Variants in ADAMTS2 observed in about 807,000 individuals in gnomAD.
ADAMTS2 encodes A disintegrin and metalloproteinase with thrombospondin motifs 2.
A neutral mutation model predicts 123.0 loss-of-function variants in ADAMTS2; 50 were observed. The ratio of observed to expected loss-of-function variants is 0.41; its 90% confidence interval spans 0.32 to 0.51. The LOEUF (loss-of-function observed/expected upper bound fraction) is 0.51. ADAMTS2 is among the 20% of genes least tolerant of loss of function. ADAMTS2 has a pLI of 0.35. For missense variants in ADAMTS2, 1,494 were observed against 1,705.2 expected (o/e 0.88, Z 2.18); for synonymous variants, 678 against 695.4 (o/e 0.98, Z 0.39).
Position 179,273,033 on chromosome 5 carries a change from A to T in ADAMTS2, c.566T>A (p.Phe189Tyr), listed in dbSNP as rs1378802937. The T allele has an allele frequency of 6.2e-7, 1 of 1,613,534 alleles. No homozygotes were observed. The highest frequency in any genetic ancestry group is 1.7e-5 in the Admixed American group (1 of 60,020). The change falls in exon 3 of 22, where the codon TTC becomes TAC. Residue 189 changes from phenylalanine (F) to tyrosine (Y), a missense_variant. Physicochemically the swap from Phe to Tyr is conservative, Grantham distance 22. This residue lies in a region of ADAMTS2 where 184 missense variants were observed against 152.1 expected (regional missense o/e 1.21). Transcript: ENST00000251582. Reference sequence around the variant, plus strand: ...CCCCTTCTCCAAGGGTTCGATGAAGAACTCCTCCTCCTCCATCCGGATCAG... The same window carrying T: ...CCCCTTCTCCAAGGGTTCGATGAAGTACTCCTCCTCCTCCATCCGGATCAG... ...AGLIRMEEEE[F>Y]FIEPLEKGLA...
chr5:179,222,734 G>A (rs1223200113), intron 3 of ADAMTS2, among the ~76,000 whole-genome samples: 1 of 152,228 alleles, frequency 6.6e-6, no homozygotes, highest in Non-Finnish European at 1.5e-5. Context: ...CCAACCAGCT[G>A]CCCATGTGCT....
intron 2 of ADAMTS2, among the ~76,000 whole-genome samples, chr5:179,325,188 C>T (rs4701095): frequency 0.14 from 20,784 of 152,102 alleles, 1,769 homozygotes; most frequent in Non-Finnish European, 0.19. Context: ...ACAGGATGAA[C>T]GGGAAGGTGG....
At chr5:179,255,154 G>T (rs1367724625) in intron 3 of ADAMTS2, among the ~76,000 whole-genome samples, 1 of 152,172 alleles carries the variant, frequency 6.6e-6, no homozygotes, top group Non-Finnish European at 1.5e-5. Context: ...GTAGACGAAT[G>T]AATACACGAT....
At chr5:179,223,680 ACT>A (rs200159714) in intron 3 of ADAMTS2, among the ~76,000 whole-genome samples, 7,300 of 143,452 alleles carry the variant, frequency 0.051, 259 homozygotes, top group Non-Finnish European at 0.083. Context: ...ACATGAATGC[ACT>A]CACACACACG....
intron 20 of ADAMTS2, among the ~76,000 whole-genome samples, chr5:179,122,331 C>CACCCCCCACTCACACA (rs1762778022): frequency 1.3e-5 from 2 of 151,368 alleles, no homozygotes; most frequent in Admixed American, 6.6e-5. Context: ...CTCGCACAGG[C>CACCCCCCACTCACACA]GTCCCCCTAT....
rs1346754923 is a variant in ADAMTS2 at position 179,228,787 on chromosome 5, C to T, written c.689-21072G>A. Among the ~76,000 whole-genome samples the T allele has an allele frequency of 4.6e-5, 7 of 152,374 alleles. No individual in the cohort carries two copies. The highest frequency in any genetic ancestry group is 6.5e-5 in the Admixed American group (1 of 15,308). On this transcript the variant is annotated intron_variant, in intron 3 of 21. Coordinates refer to ENST00000251582, the MANE Select transcript of ADAMTS2 (RefSeq NM_014244.5). The surrounding 1 kb of genome is among the most constrained non-coding windows in gnomAD (Gnocchi z 5.2). ...CAGACCCGGGGCGGTGCCTTCACCA[C>T]GGCCTCCTCATCCAGCATCCACAAC...
At chr5:179,269,123 G>C (rs1354732690) in intron 3 of ADAMTS2, among the ~76,000 whole-genome samples, 1 of 152,222 alleles carries the variant, frequency 6.6e-6, no homozygotes, top group East Asian at 1.9e-4. Flanking sequence ...CCCGGGGGCA[G>C]AGATTGGCAT....
chr5:179,278,846 C>G (rs1766814431), intron 2 of ADAMTS2, among the ~76,000 whole-genome samples: 1 of 151,774 alleles, frequency 6.6e-6, no homozygotes, highest in African/African-American at 2.4e-5. Context: ...TGCCCTGCCT[C>G]TTCCTTCTAT....
chr5:179,116,712 T>G (rs1298681991), intron 21 of ADAMTS2, among the ~76,000 whole-genome samples: 1 of 152,196 alleles, frequency 6.6e-6, no homozygotes, highest in Non-Finnish European at 1.5e-5. Flanking sequence ...AGGGAAATTT[T>G]GAATCTGAAA....
intron 3 of ADAMTS2, among the ~76,000 whole-genome samples, chr5:179,249,437 A>G (rs554744499): frequency 9.9e-5 from 15 of 152,224 alleles, no homozygotes; most frequent in Non-Finnish European, 1.9e-4. Context: ...TTGAAAAACA[A>G]TAAGAAGACT....
chr5:179,274,973 A>G (rs1020035330), intron 2 of ADAMTS2, among the ~76,000 whole-genome samples: 1 of 152,198 alleles, frequency 6.6e-6, no homozygotes, highest in Non-Finnish European at 1.5e-5. Context: ...CCAGTGCTCC[A>G]TATGGGGGAA....
At chr5:179,330,222 G>A (rs572599302) in intron 2 of ADAMTS2, among the ~76,000 whole-genome samples, 223 of 152,152 alleles carry the variant, frequency 1.5e-3, no homozygotes, top group African/African-American at 4.9e-3. Context: ...CAGCCCCAGC[G>A]GACTCCTGCA....
At position 179,162,514 on chromosome 5, in the gene ADAMTS2, T is replaced by C. The variant is rs1374355624; in HGVS notation, c.976-3635A>G. ...GGGTCAGCTCCCAGGCTCATTCAGG[T>C]GGTCACGGCGGGCCCCAGCTGAGCT... On this transcript the variant is annotated intron_variant, in intron 5 of 21. Coordinates refer to ENST00000251582, the MANE Select transcript of ADAMTS2 (RefSeq NM_014244.5). This position sits in a 1 kb window ranked among gnomAD's most constrained non-coding sequence, Gnocchi z 5.1. Among the ~76,000 whole-genome samples, 1 of 152,050 alleles carries C rather than the reference T, an allele frequency of 6.6e-6. No individual in the cohort carries two copies. The highest frequency in any genetic ancestry group is 2.4e-5 in the African/African-American group (1 of 41,392).
chr5:179,165,824 G>A (rs1469908556), intron 5 of ADAMTS2, among the ~76,000 whole-genome samples: 3 of 152,214 alleles, frequency 2.0e-5, no homozygotes, highest in Admixed American at 1.3e-4. Flanking sequence ...AGAGCCAGGC[G>A]GGAGAAGCCT....
chr5:179,333,766 A>G (rs1352696402), intron 2 of ADAMTS2, among the ~76,000 whole-genome samples: 1 of 151,668 alleles, frequency 6.6e-6, no homozygotes, highest in African/African-American at 2.4e-5. Flanking sequence ...TGCCCAGCTA[A>G]TTTTTGTATT....
Position 179,132,923 on chromosome 5 carries a change from G to A in ADAMTS2, c.2086-23C>T. 1 of 1,612,240 alleles carries A rather than the reference G, an allele frequency of 6.2e-7. No individual in the cohort carries two copies. The highest frequency in any genetic ancestry group is 2.2e-5 in the East Asian group (1 of 44,812). On this transcript the variant is annotated intron_variant, in intron 13 of 21. Coordinates refer to ENST00000251582, the MANE Select transcript of ADAMTS2 (RefSeq NM_014244.5). The surrounding 1 kb of genome is among the most constrained non-coding windows in gnomAD (Gnocchi z 6.1). Reference sequence around the variant, plus strand: ...CTTCTGTTGGGGGAGGAGGCAGTGAGCACTTGAGACGTCCTGCTAGTAGAG... The same window carrying A: ...CTTCTGTTGGGGGAGGAGGCAGTGAACACTTGAGACGTCCTGCTAGTAGAG...
Position 179,118,897 on chromosome 5 carries a change from T to C in ADAMTS2, c.3178+2764A>G. 6.6e-6 allele frequency among the ~76,000 whole-genome samples: 1 copy of C among 152,204 alleles called. No homozygotes were observed. ...GCTCAGTGCAGTGCAGCCCCAGCTA[T>C]GTTTATGCACCACCGAATCACCTTC... On this transcript the variant is annotated intron_variant, in intron 21 of 21. Coordinates refer to ENST00000251582, the MANE Select transcript of ADAMTS2 (RefSeq NM_014244.5). The surrounding 1 kb of genome is among the most constrained non-coding windows in gnomAD (Gnocchi z 4.5).
At chr5:179,287,513 A>T (rs902063616) in intron 2 of ADAMTS2, among the ~76,000 whole-genome samples, 1 of 152,318 alleles carries the variant, frequency 6.6e-6, no homozygotes, top group Middle Eastern at 3.4e-3. Context: ...AGGCTGGCTA[A>T]GGCTCCCGTG....
intron 10 of ADAMTS2, among the ~76,000 whole-genome samples, chr5:179,149,967 G>A (rs1003683043): frequency 1.3e-5 from 2 of 152,226 alleles, no homozygotes; most frequent in African/African-American, 4.8e-5. Flanking sequence ...GCTGCGGCCA[G>A]GTGGGTGGTC....
Sources: gnomAD v4.1 joint callset for allele counts (sites outside exome capture counted in the v4.1 genomes callset) on GRCh38, gnomAD v4.1.1 for gene constraint, gnomAD v4.1.1 regional missense constraint, Gnocchi (gnomAD v3.1) non-coding constraint, MANE v1.5 for transcripts, NCBI Gene and HGNC (gene_info 2026-07-23, HGNC 2026-07-21) for gene names.